LHFPL6: variants seen among roughly 807,000 people sequenced by gnomAD.
The protein encoded by LHFPL6 is LHFPL tetraspan subfamily member 6 protein.
In LHFPL6, 9 loss-of-function variants were observed where a neutral mutation model predicts 20.6. That is an observed-to-expected ratio of 0.44 (90% CI 0.26 to 0.76). LHFPL6 has a LOEUF of 0.76. LHFPL6 is among the 30% of genes least tolerant of loss of function. LHFPL6 has a pLI of 0.20. For missense variants in LHFPL6, 218 were observed against 253.5 expected (o/e 0.86, Z 0.95); for synonymous variants, 105 against 98.7 (o/e 1.06, Z -0.38).
chr13:39,359,591 G>C (rs1484445560), intron 3 of LHFPL6, among the ~76,000 whole-genome samples: 1 of 152,110 alleles, frequency 6.6e-6, no homozygotes, highest in Non-Finnish European at 1.5e-5. Flanking sequence ...GGATAAACAT[G>C]TACATAAAGA....
chr13:39,379,026 C>T (rs1870368964), intron 2 of LHFPL6, among the ~76,000 whole-genome samples: 1 of 152,254 alleles, frequency 6.6e-6, no homozygotes, highest in South Asian at 2.1e-4. Flanking sequence ...GCACATTCAT[C>T]AAACCTCTGA....
At chr13:39,566,451 A>G (rs1177794659) in intron 2 of LHFPL6, among the ~76,000 whole-genome samples, 1 of 152,112 alleles carries the variant, frequency 6.6e-6, no homozygotes, top group African/African-American at 2.4e-5. Context: ...GTAATAAATG[A>G]TGAGTTCAGC....
chr13:39,426,916 T>G (rs1871653026), intron 2 of LHFPL6, among the ~76,000 whole-genome samples: 1 of 152,164 alleles, frequency 6.6e-6, no homozygotes, highest in African/African-American at 2.4e-5. Flanking sequence ...ATTGACCAAT[T>G]TTGGGTTAAT....
At chr13:39,506,539 ATTTAT>A (rs904744253) in intron 2 of LHFPL6, among the ~76,000 whole-genome samples, 4 of 152,190 alleles carry the variant, frequency 2.6e-5, no homozygotes, top group Non-Finnish European at 5.9e-5. Flanking sequence ...CACTAAAGTC[ATTTAT>A]TTTATTTTAT....
At chr13:39,553,594 T>TGTAGTCCC (rs1304733711) in intron 2 of LHFPL6, among the ~76,000 whole-genome samples, 2 of 152,212 alleles carry the variant, frequency 1.3e-5, no homozygotes, top group East Asian at 2.0e-4. Flanking sequence ...GGTCTGTGCC[T>TGTAGTCCC]GTAGTCCCAG....
At chr13:39,444,795 G>C (rs1014685768) in intron 2 of LHFPL6, among the ~76,000 whole-genome samples, 14 of 152,314 alleles carry the variant, frequency 9.2e-5, no homozygotes, top group African/African-American at 3.4e-4. Context: ...CTTGTCACAG[G>C]GGTGGAGCCA....
At chr13:39,541,747 C>T (rs1870806340) in intron 2 of LHFPL6, among the ~76,000 whole-genome samples, 1 of 152,096 alleles carries the variant, frequency 6.6e-6, no homozygotes, top group African/African-American at 2.4e-5. Flanking sequence ...GTGTCTGATC[C>T]AATGCCTAGA....
At chr13:39,411,854 C>G (rs1296799303) in intron 2 of LHFPL6, among the ~76,000 whole-genome samples, 2 of 152,230 alleles carry the variant, frequency 1.3e-5, no homozygotes, top group Non-Finnish European at 2.9e-5. Flanking sequence ...CCCAGTGTCT[C>G]TTCAGTGGGA....
chr13:39,458,220 TGA>T (rs1872614303), intron 2 of LHFPL6, among the ~76,000 whole-genome samples: 1 of 150,778 alleles, frequency 6.6e-6, no homozygotes, highest in African/African-American at 2.4e-5. Context: ...AAGAGGAAAA[TGA>T]GAGAGGAATG....
In LHFPL6 at chr13:39,432,897, TG is replaced by T. The variant is rs372592394; in HGVS notation, c.386-54372del. 1.2e-3 allele frequency among the ~76,000 whole-genome samples: 185 copies of T among 152,384 alleles called. 6 individuals are homozygous for T. The South Asian group carries it at 0.037, about 31-fold the overall frequency. On this transcript the variant is annotated intron_variant, in intron 2 of 3. Transcript: ENST00000379589. Reference sequence around the variant, plus strand: ...CACTGAACTGATGACTAAACATTTTTGTTATACCCCAATTTTATGGCTGAAG... The same window carrying T: ...CACTGAACTGATGACTAAACATTTTTTTATACCCCAATTTTATGGCTGAAG...
chr13:39,541,391 T>C (rs989193462), intron 2 of LHFPL6, among the ~76,000 whole-genome samples: 2 of 152,228 alleles, frequency 1.3e-5, no homozygotes, highest in Admixed American at 1.3e-4. Context: ...TGTTCAAAGC[T>C]CTCCACAGGC....
intron 2 of LHFPL6, among the ~76,000 whole-genome samples, chr13:39,430,183 A>G (rs1169936808): frequency 1.3e-5 from 2 of 151,938 alleles, no homozygotes; most frequent in African/African-American, 4.8e-5. Context: ...ACCACTCATT[A>G]CCCCCACTGC....
chr13:39,397,906 TTGTG>T (rs146494686), intron 2 of LHFPL6, among the ~76,000 whole-genome samples: 2 of 149,876 alleles, frequency 1.3e-5, no homozygotes, highest in African/African-American at 2.5e-5. Flanking sequence ...AAGTCAGACT[TTGTG>T]TGTGTGTGTG....
chr13:39,475,854 G>A (rs996300991), intron 2 of LHFPL6, among the ~76,000 whole-genome samples: 1 of 152,134 alleles, frequency 6.6e-6, no homozygotes, highest in Non-Finnish European at 1.5e-5. Flanking sequence ...CGTAGAGAAA[G>A]CACAGGCAAT....
chr13:39,448,298 C>A (rs1164129212), intron 2 of LHFPL6, among the ~76,000 whole-genome samples: 1 of 152,136 alleles, frequency 6.6e-6, no homozygotes, highest in Non-Finnish European at 1.5e-5. Context: ...ATATAATATT[C>A]TGAGGTCCAA....
At chr13:39,518,162 C>T (rs1229106983) in intron 2 of LHFPL6, among the ~76,000 whole-genome samples, 2 of 127,438 alleles carry the variant, frequency 1.6e-5, no homozygotes, top group Non-Finnish European at 3.5e-5. Flanking sequence ...CGCTCAAAGA[C>T]CTCAGAGACC....
At chr13:39,553,035 A>T (rs553730223) in intron 2 of LHFPL6, among the ~76,000 whole-genome samples, 120 of 152,334 alleles carry the variant, frequency 7.9e-4, no homozygotes, top group African/African-American at 2.8e-3. Flanking sequence ...CTTTTAAATG[A>T]AGTTAAACTT....
intron 2 of LHFPL6, among the ~76,000 whole-genome samples, chr13:39,520,274 G>A (rs1287454144): frequency 6.6e-6 from 1 of 152,100 alleles, no homozygotes; most frequent in Non-Finnish European, 1.5e-5. Context: ...AGCCAGAAAC[G>A]CAGCAGGTCA....
At chr13:39,362,087 G>A (rs1869888399) in intron 3 of LHFPL6, among the ~76,000 whole-genome samples, 1 of 152,202 alleles carries the variant, frequency 6.6e-6, no homozygotes, top group African/African-American at 2.4e-5. Flanking sequence ...AGAATTTGAA[G>A]ATATCTATGT....
Sources: gnomAD v4.1 joint callset for allele counts (sites outside exome capture counted in the v4.1 genomes callset) on GRCh38, gnomAD v4.1.1 for gene constraint, MANE v1.5 for transcripts, NCBI Gene and HGNC (gene_info 2026-07-23, HGNC 2026-07-21) for gene names.